LCN12: variants seen among roughly 807,000 people sequenced by gnomAD.
LCN12 encodes lipocalin 12, also known as epididymal-specific lipocalin-12.
In LCN12, 15 loss-of-function variants were observed where a neutral mutation model predicts 23.7. The observed-to-expected ratio is 0.63, with a 90% CI of 0.42 to 0.97. LCN12 has a LOEUF of 0.97. LCN12 is among the 50% of genes least tolerant of loss of function. The pLI is 0.00. For synonymous variants in LCN12, 116 were observed against 111.5 expected (o/e 1.04, Z -0.25); for missense variants, 219 against 249.6 (o/e 0.88, Z 0.83).
At chr9:136,955,116 C>G in intron 5 of LCN12, 1 of 1,415,228 alleles carries the variant, frequency 7.1e-7, no homozygotes, top group Non-Finnish European at 9.2e-7. Context: ...GTCTGGGGGC[C>G]CATGGGGACA....
intron 2 of LCN12, 84 bp from the exon 3 acceptor site, chr9:136,953,616 T>C (rs999882530): frequency 3.0e-6 from 3 of 1,006,884 alleles, no homozygotes; most frequent in Middle Eastern, 2.3e-4. Flanking sequence ...TCTGAATAAG[T>C]GGCTGAAATC....
Position 136,952,743 on chromosome 9 carries a change from G to T in LCN12, c.115-149G>T. 6 of 887,418 alleles carry T rather than the reference G, an allele frequency of 6.8e-6. No homozygotes were observed. In the South Asian group the frequency reaches 8.6e-5, roughly 13 times the overall value. 55.0% of individuals were successfully genotyped at this position (887,418 alleles called of 1,614,324 possible). ...CCTGCCAGACCCAGAGTAGGCTCTGGTTCTTGCCAGTGTCCCTGGCGCCGG... is the reference window on the plus strand; with the variant it reads ...CCTGCCAGACCCAGAGTAGGCTCTGTTTCTTGCCAGTGTCCCTGGCGCCGG... On this transcript the variant is annotated intron_variant, in intron 1 of 5. Coordinates refer to ENST00000371633, the MANE Select transcript of LCN12 (RefSeq NM_178536.4).
chr9:136,952,373 G>A lies in LCN12; in HGVS notation c.46G>A (p.Val16Ile), dbSNP rs752539720. The A allele has an allele frequency of 3.2e-5, 52 of 1,612,054 alleles. No homozygotes were observed. Among genetic ancestry groups the A allele is most frequent in the Non-Finnish European group, 4.3e-5 (51 of 1,179,526 alleles). ...GLWLWLSLLKVLQAQTPTPLP... is the reference protein window; with the variant it reads ...GLWLWLSLLKILQAQTPTPLP... ...GTGGCTGTGGCTCTCCTTGCTGAAA[G>A]TCCTGCAGGCCCAGACCCCAACCCC... The change falls in exon 1 of 6, where the codon GTC (valine) becomes ATC (isoleucine). Residue 16 changes from valine (V) to isoleucine (I), a missense_variant. Coordinates refer to ENST00000371633, the MANE Select transcript of LCN12 (RefSeq NM_178536.4).
Position 136,952,876 on chromosome 9 carries a change from ACCACCG to A in LCN12, c.115-13_115-8del, listed in dbSNP as rs1194798421. On this transcript the variant is annotated splice_polypyrimidine_tract_variant and intron_variant, in intron 1 of 5. Transcript: ENST00000371633. Reference sequence around the variant, plus strand: ...CCCCTGCCCACCGCCGCCCCTGCCCACCACCGCCTCTGTAGTTCCAGGGGGAATGGT... The same window carrying A: ...CCCCTGCCCACCGCCGCCCCTGCCCACCTCTGTAGTTCCAGGGGGAATGGT... 4 of 829,824 alleles carry A rather than the reference ACCACCG, an allele frequency of 4.8e-6. No homozygotes were observed. The highest frequency in any genetic ancestry group is 3.8e-6 in the Non-Finnish European group (2 of 530,042). 51.4% of individuals were successfully genotyped at this position (829,824 alleles called of 1,614,324 possible). A position where few individuals can be genotyped will look rare whatever the true frequency, so the allele number is the denominator to read the frequency against.
chr9:136,954,694 C>T, intron 5 of LCN12: 1 of 1,290,224 alleles, frequency 7.8e-7, no homozygotes, highest in Non-Finnish European at 1.0e-6. Flanking sequence ...TCACCCATCC[C>T]TGCTCACAAG....
Position 136,952,344 on chromosome 9 carries a change from G to T in LCN12, c.17G>T (p.Gly6Val). 1.2e-6 allele frequency: 2 copies of T among 1,610,926 alleles called. No homozygotes were observed. Among genetic ancestry groups the T allele is most frequent in the South Asian group, 2.2e-5 (2 of 90,586 alleles). MRLLCGLWLWLSLLKV... is the reference protein window; with the variant it reads MRLLCVLWLWLSLLKV... The stretch of plus-strand genomic sequence containing the variant: ...GCTGCCAGGATGAGGCTGCTGTGTG[G>T]CCTGTGGCTGTGGCTCTCCTTGCTG... The change falls in exon 1 of 6, where the codon GGC becomes GTC. Residue 6 changes from glycine to valine, a missense_variant. Transcript: ENST00000371633.
downstream of LCN12, chr9:136,955,522 C>T (rs530031105): frequency 8.0e-5 from 88 of 1,096,604 alleles, no homozygotes; most frequent in African/African-American, 1.3e-3. Context: ...CCACTATGAC[C>T]TTGGGTTGGG....
chr9:136,952,233 A>G (rs1182129731), upstream of LCN12: 14 of 855,350 alleles, frequency 1.6e-5, no homozygotes, highest in Non-Finnish European at 2.5e-5. Flanking sequence ...TGGGAGGGGC[A>G]CCTGCTGGGT....
At chr9:136,952,575 C>T in intron 1 of LCN12, 134 bp downstream of exon 1, 1 of 689,106 alleles carries the variant, frequency 1.5e-6, no homozygotes, top group Non-Finnish European at 2.4e-6. Flanking sequence ...CCAGGCGGGC[C>T]CCTGACCTCC....
chr9:136,952,153 A>AC (rs1465746353), upstream of LCN12, among the ~76,000 whole-genome samples: 5 of 152,078 alleles, frequency 3.3e-5, no homozygotes, highest in Non-Finnish European at 7.4e-5. Flanking sequence ...AGGAGAGCCC[A>AC]CACCAAGCCT....
In LCN12 at chr9:136,952,963, C is replaced by T. The variant is rs372683477; in HGVS notation, c.186C>T (p.Asn62=). 16 of 1,612,770 alleles carry T rather than the reference C, an allele frequency of 9.9e-6. No homozygotes were observed. Among genetic ancestry groups the T allele is most frequent in the African/African-American group, 6.7e-5 (5 of 74,894 alleles). The part of the protein sequence containing the change: ...SFRPEHRALL[N]AFTATFELSD... ...GGCCGGAGCACAGGGCGCTGCTGAA[C>T]GCTTTCACCGCAACTTTTGAGCTAA... The change falls in exon 2 of 6, where the codon AAC becomes AAT. Residue 62 remains asparagine, a synonymous_variant. Transcript: ENST00000371633.
upstream of LCN12, chr9:136,951,316 C>A (rs1851146231): frequency 6.6e-6 from 1 of 152,288 alleles, no homozygotes; most frequent in South Asian, 2.1e-4. Flanking sequence ...TCCAGTGGCA[C>A]AATCATAGCT....
At chr9:136,955,554 ACCGCT>A (rs1851303584), downstream of LCN12, 1 of 718,404 alleles carries the variant, frequency 1.4e-6, no homozygotes, top group Non-Finnish European at 2.2e-6. Context: ...GAGCAAGGCG[ACCGCT>A]GACCCTGCAG....
chr9:136,953,126 C>G (rs1851206490), intron 2 of LCN12, 98 bp downstream of exon 2: 1 of 1,498,078 alleles, frequency 6.7e-7, no homozygotes, highest in African/African-American at 1.4e-5. Context: ...CCTGTCCCAG[C>G]ACAGGCAGCT....
chr9:136,953,921 C>T lies in LCN12; in HGVS notation c.405C>T (p.Arg135=). The stretch of plus-strand genomic sequence containing the variant: ...CCCAGTTCGCCCTGATGCTGTCCCG[C>T]AGACACACGAGCAGGCTGGCCGTCC... ...DYTQFALMLS[R]RHTSRLAVLR... Residue 135 remains arginine, a synonymous_variant, in exon 4 of 6, where the codon CGC becomes CGT. Transcript: ENST00000371633. 6.2e-7 allele frequency: 1 copy of T among 1,611,752 alleles called. No individual in the cohort carries two copies. Among genetic ancestry groups the T allele is most frequent in the Non-Finnish European group, 8.5e-7 (1 of 1,179,796 alleles).
chr9:136,954,468 TC>T, intron 5 of LCN12: 1 of 669,848 alleles, frequency 1.5e-6, no homozygotes, highest in Non-Finnish European at 2.7e-6. Flanking sequence ...GGCCACCTCC[TC>T]CCACCCCGGG....
downstream of LCN12, chr9:136,955,516 T>C: frequency 8.7e-7 from 1 of 1,154,048 alleles, no homozygotes; most frequent in Non-Finnish European, 1.2e-6. Flanking sequence ...GTGTGACCAC[T>C]ATGACCTTGG....
In LCN12 at chr9:136,954,159, A is replaced by T. The variant is rs756183334; in HGVS notation, c.454A>T (p.Ser152Cys). 1.9e-6 allele frequency: 3 copies of T among 1,556,144 alleles called. No individual in the cohort carries two copies. The highest frequency in any genetic ancestry group is 3.4e-4 in the Middle Eastern group (2 of 5,952). ...AVLRISLLGR[S>C]WLLPPGTLDQ... ...CTGGGCTCCCTGGGCTGCAGGCAGG[A>T]GCTGGTTGCTGCCTCCCGGGACGCT... Residue 152 changes from serine (S) to cysteine (C), a missense_variant, in exon 5 of 6, where the codon AGC (serine) becomes TGC (cysteine). Transcript: ENST00000371633.
intron 5 of LCN12, 35 bp from the exon 6 acceptor site, chr9:136,955,336 T>G: frequency 1.2e-6 from 2 of 1,607,540 alleles, no homozygotes; most frequent in South Asian, 2.2e-5. Flanking sequence ...CTGCTCCCCC[T>G]TTGTCCTCCA....
Sources: gnomAD v4.1 joint callset for allele counts (sites outside exome capture counted in the v4.1 genomes callset) on GRCh38, gnomAD v4.1.1 for gene constraint, MANE v1.5 for transcripts, NCBI Gene and HGNC (gene_info 2026-07-23, HGNC 2026-07-21) for gene names.